Variants in LRRTM4 observed in about 807,000 individuals in gnomAD.
The protein encoded by LRRTM4 is leucine-rich repeat transmembrane neuronal protein 4.
LRRTM4 carries 25 observed loss-of-function variants against 47.6 expected under a neutral mutation model. That is an observed-to-expected ratio of 0.53 (90% CI 0.38 to 0.73). The LOEUF is 0.73. Ranked by LOEUF, LRRTM4 falls within the 30% of genes least tolerant of loss-of-function variation. The pLI is 0.00. For missense variants in LRRTM4, 638 were observed against 713.4 expected, an observed-to-expected ratio of 0.89 and a Z score of 1.20; for synonymous variants, 311 against 269.5, an observed-to-expected ratio of 1.15 and a Z score of -1.51.
intron 3 of LRRTM4, among the ~76,000 whole-genome samples, chr2:76,873,472 G>GTA (rs200848735): frequency 2.2e-4 from 30 of 136,976 alleles, no homozygotes; most frequent in South Asian, 6.7e-4. Flanking sequence ...GTGTGTGTGT[G>GTA]TATATATATA....
intron 3 of LRRTM4, among the ~76,000 whole-genome samples, chr2:77,196,466 G>A (rs1673829398): frequency 6.6e-6 from 1 of 152,140 alleles, no homozygotes; most frequent in South Asian, 2.1e-4. Flanking sequence ...GTTCACCATG[G>A]CTCATGCCTG....
intron 3 of LRRTM4, among the ~76,000 whole-genome samples, chr2:77,013,050 A>G (rs770652723): frequency 6.6e-6 from 1 of 152,234 alleles, no homozygotes; most frequent in Non-Finnish European, 1.5e-5. Flanking sequence ...GCATAATAGC[A>G]TGAATGAATG....
intron 3 of LRRTM4, among the ~76,000 whole-genome samples, chr2:77,053,623 G>A (rs1573506119): frequency 6.6e-6 from 1 of 151,976 alleles, no homozygotes; most frequent in African/African-American, 2.4e-5. Flanking sequence ...ATTGAGTTAG[G>A]GTATTGATCT....
At chr2:77,162,379 G>T (rs1336493887) in intron 3 of LRRTM4, among the ~76,000 whole-genome samples, 1 of 152,190 alleles carries the variant, frequency 6.6e-6, no homozygotes, top group Non-Finnish European at 1.5e-5. Flanking sequence ...TACTTCTGTA[G>T]ACTCCACCTC....
Position 77,399,064 on chromosome 2 carries a change from C to A in LRRTM4, c.1551+119254G>T, listed in dbSNP as rs191748826. Among the ~76,000 whole-genome samples, 13 of 151,744 alleles carry A rather than the reference C, an allele frequency of 8.6e-5. No individual in the cohort carries two copies. The East Asian group carries it at 2.3e-3, about 27-fold the overall frequency. On this transcript the variant is annotated intron_variant, in intron 3 of 3. Transcript: ENST00000409884. ...AGACTGGCCTTTATGTAAGTCCCCT[C>A]AATAAACTCTATGTCTTTTTCCCTG...
chr2:77,130,991 C>T (rs1403120111), intron 3 of LRRTM4, among the ~76,000 whole-genome samples: 4 of 147,664 alleles, frequency 2.7e-5, no homozygotes, highest in South Asian at 2.2e-4. Flanking sequence ...CCCGCCACTA[C>T]GCCCGGCTAA....
intron 3 of LRRTM4, among the ~76,000 whole-genome samples, chr2:76,872,866 T>C (rs778147483): frequency 6.6e-6 from 1 of 152,036 alleles, no homozygotes; most frequent in Non-Finnish European, 1.5e-5. Context: ...GAATTGGTTA[T>C]TAAAAGCAGT....
At chr2:77,180,591 T>G (rs1234176177) in intron 3 of LRRTM4, among the ~76,000 whole-genome samples, 1 of 152,186 alleles carries the variant, frequency 6.6e-6, no homozygotes, top group Non-Finnish European at 1.5e-5. Flanking sequence ...AAAATATACC[T>G]TTCATTATCA....
chr2:76,789,648 C>G (rs1307764566), intron 3 of LRRTM4, among the ~76,000 whole-genome samples: 3 of 152,034 alleles, frequency 2.0e-5, no homozygotes, highest in Non-Finnish European at 4.4e-5. Context: ...GTTCCCGCTC[C>G]CCATTTATTC....
intron 3 of LRRTM4, among the ~76,000 whole-genome samples, chr2:77,121,370 C>T (rs994644740): frequency 2.0e-5 from 3 of 151,724 alleles, no homozygotes; most frequent in African/African-American, 7.2e-5. Context: ...TAATAAATTA[C>T]CTCTTCCCAA....
intron 3 of LRRTM4, among the ~76,000 whole-genome samples, chr2:76,978,859 C>T (rs747011348): frequency 6.6e-6 from 1 of 151,952 alleles, no homozygotes; most frequent in Non-Finnish European, 1.5e-5. Flanking sequence ...CTTACCTTTC[C>T]CTGAAGCATG....
intron 3 of LRRTM4, among the ~76,000 whole-genome samples, chr2:76,753,787 G>A (rs1250637648): frequency 1.3e-5 from 2 of 152,128 alleles, no homozygotes; most frequent in South Asian, 2.1e-4. Context: ...GTAAATGTGA[G>A]AGCAATGTGA....
At chr2:77,200,758 T>C (rs150014048) in intron 3 of LRRTM4, among the ~76,000 whole-genome samples, 1 of 152,306 alleles carries the variant, frequency 6.6e-6, no homozygotes, top group African/African-American at 2.4e-5. Flanking sequence ...TGATTTGTTC[T>C]GTCACCTGTT....
At chr2:77,064,974 A>G (rs1436428403) in intron 3 of LRRTM4, among the ~76,000 whole-genome samples, 1 of 152,142 alleles carries the variant, frequency 6.6e-6, no homozygotes, top group Non-Finnish European at 1.5e-5. Flanking sequence ...TATGACTCTG[A>G]TAAGACTTTT....
intron 3 of LRRTM4, among the ~76,000 whole-genome samples, chr2:77,119,684 G>C (rs1671476750): frequency 6.6e-6 from 1 of 151,712 alleles, no homozygotes; most frequent in African/African-American, 2.4e-5. Context: ...TCGTAAAAAA[G>C]AGCTAGCCAA....
At chr2:77,151,120 T>A (rs1457558133) in intron 3 of LRRTM4, among the ~76,000 whole-genome samples, 1 of 147,620 alleles carries the variant, frequency 6.8e-6, no homozygotes, top group East Asian at 2.0e-4. Flanking sequence ...TCCGTGTATG[T>A]GTGTGTGTGT....
chr2:77,352,550 A>G (rs62160537), intron 3 of LRRTM4, among the ~76,000 whole-genome samples: 1,801 of 152,196 alleles, frequency 0.012, 16 homozygotes, highest in Admixed American at 0.023. Context: ...AGAAGTTCTC[A>G]TTGCTCCAGG....
At chr2:76,990,277 C>A (rs1339032182) in intron 3 of LRRTM4, among the ~76,000 whole-genome samples, 2 of 151,766 alleles carry the variant, frequency 1.3e-5, no homozygotes, top group Non-Finnish European at 2.9e-5. Context: ...CAGCTAACAA[C>A]TTCATGATTA....
intron 3 of LRRTM4, among the ~76,000 whole-genome samples, chr2:76,990,517 A>C (rs1370107067): frequency 2.0e-5 from 3 of 151,814 alleles, no homozygotes; most frequent in Admixed American, 2.0e-4. Flanking sequence ...CAGATAAAAC[A>C]GACTTTAAAC....
Sources: allele counts gnomAD v4.1 joint callset (sites outside exome capture counted in the v4.1 genomes callset), GRCh38; gene constraint gnomAD v4.1.1; transcripts MANE v1.5; gene names NCBI Gene and HGNC (gene_info 2026-07-23, HGNC 2026-07-21).